RARB: variants seen among roughly 807,000 people sequenced by gnomAD.
RARB encodes retinoic acid receptor beta, also known as HBV-activated protein.
Under a neutral mutation model 51.9 loss-of-function variants are expected in RARB, and 17 were observed. The ratio of observed to expected loss-of-function variants is 0.33; its 90% confidence interval spans 0.22 to 0.49. RARB has a LOEUF of 0.49. Ranked by LOEUF, RARB falls within the 20% of genes least tolerant of loss-of-function variation. The pLI, the probability that RARB is intolerant of heterozygous loss-of-function variation, is 0.99. For missense variants in RARB, 369 were observed against 550.8 expected (o/e 0.67, Z 3.30); for synonymous variants, 215 against 195.4 (o/e 1.10, Z -0.84).
intron 2 of RARB, among the ~76,000 whole-genome samples, chr3:25,056,641 C>T (rs112400522): frequency 1.3e-5 from 2 of 152,112 alleles, no homozygotes; most frequent in African/African-American, 4.8e-5. Context: ...AGTATATACC[C>T]AATAGATACC....
intron 5 of RARB, among the ~76,000 whole-genome samples, chr3:25,267,542 C>G (rs1258615183): frequency 6.6e-6 from 1 of 152,150 alleles, no homozygotes; most frequent in Non-Finnish European, 1.5e-5. Flanking sequence ...ACCTCTTGTT[C>G]AGTGTCCTCT....
At chr3:25,588,921 A>T (rs947665801) in intron 5 of RARB, among the ~76,000 whole-genome samples, 1 of 152,156 alleles carries the variant, frequency 6.6e-6, no homozygotes, top group Non-Finnish European at 1.5e-5. Flanking sequence ...GTCACACACC[A>T]TCACTTTCAC....
intron 4 of RARB, among the ~76,000 whole-genome samples, chr3:25,170,142 G>C (rs1700620626): frequency 6.6e-6 from 1 of 152,096 alleles, no homozygotes; most frequent in Non-Finnish European, 1.5e-5. Context: ...AAATTCATCA[G>C]GCTGTCTGTC....
intron 3 of RARB, among the ~76,000 whole-genome samples, chr3:25,092,284 A>C (rs961390225): frequency 6.6e-6 from 1 of 152,198 alleles, no homozygotes; most frequent in East Asian, 1.9e-4. Context: ...TTGAGAACAG[A>C]ATGGCAAAGC....
chr3:25,493,299 T>C (rs1696839909), intron 2 of RARB, among the ~76,000 whole-genome samples: 1 of 152,176 alleles, frequency 6.6e-6, no homozygotes, highest in South Asian at 2.1e-4. Context: ...ATGAATAACT[T>C]CTCAGACGTT....
upstream of RARB, among the ~76,000 whole-genome samples, chr3:25,426,785 C>A (rs926592728): frequency 6.6e-6 from 1 of 152,282 alleles, no homozygotes; most frequent in South Asian, 2.1e-4. Context: ...ACAAGTTGTG[C>A]AAAATGGCTG....
intron 2 of RARB, among the ~76,000 whole-genome samples, chr3:25,011,468 C>A (rs185037074): frequency 1.3e-5 from 2 of 152,146 alleles, no homozygotes; most frequent in East Asian, 1.9e-4. Flanking sequence ...ATTTTTCCAT[C>A]GAATTATAGC....
At chr3:25,397,503 T>C (rs1397763316) in intron 5 of RARB, among the ~76,000 whole-genome samples, 2 of 152,224 alleles carry the variant, frequency 1.3e-5, no homozygotes, top group Non-Finnish European at 2.9e-5. Flanking sequence ...AGTGTGAGTC[T>C]CCACACACTG....
intron 5 of RARB, among the ~76,000 whole-genome samples, chr3:25,342,227 T>A (rs1438466176): frequency 6.6e-6 from 1 of 152,266 alleles, no homozygotes; most frequent in African/African-American, 2.4e-5. Context: ...AAGAAAGTGA[T>A]GAGTTTAGTC....
intron 2 of RARB, among the ~76,000 whole-genome samples, chr3:25,023,204 C>T (rs1479777462): frequency 6.6e-6 from 1 of 152,098 alleles, no homozygotes; most frequent in African/African-American, 2.4e-5. Context: ...TTACCATAAC[C>T]TTGGGACCTT....
In RARB at chr3:25,079,052, T is replaced by A. The variant is rs547672440; in HGVS notation, c.-328+18876T>A. ...TATATCTCTGCATTTATGTAGGTTT[T>A]TTTTTTAACTTCTCTCACAATATTT... On this transcript the variant is annotated intron_variant, in intron 3 of 11. Transcript: ENST00000383772. Among the ~76,000 whole-genome samples the A allele has an allele frequency of 1.7e-4, 26 of 152,174 alleles. No individual in the cohort carries two copies. The South Asian group carries it at 5.4e-3, about 32-fold the overall frequency.
intron 5 of RARB, among the ~76,000 whole-genome samples, chr3:25,194,820 C>A (rs1476576827): frequency 1.3e-5 from 2 of 151,586 alleles, no homozygotes; most frequent in Non-Finnish European, 1.5e-5. Flanking sequence ...TTCTGTGAAC[C>A]CCAGTATCAA....
intron 2 of RARB, among the ~76,000 whole-genome samples, chr3:25,050,930 A>G (rs1016325733): frequency 6.6e-6 from 1 of 152,126 alleles, no homozygotes; most frequent in Non-Finnish European, 1.5e-5. Context: ...TAATGTTTTA[A>G]TTCTTTCTGG....
In RARB at chr3:25,174,864, C is replaced by T. The variant is rs543222189; in HGVS notation, c.178+289C>T. Among the ~76,000 whole-genome samples, 251 of 152,266 alleles carry T rather than the reference C, an allele frequency of 1.6e-3. 2 individuals carry two copies. The highest frequency in any genetic ancestry group is 5.2e-3 in the Admixed American group (80 of 15,308). ...TGTGGTTAATATCTGTGATCAATAT[C>T]TAAAGAAATTGGCCATATGATAAAT... On this transcript the variant is annotated intron_variant, in intron 5 of 11. Coordinates refer to the RARB transcript ENST00000383772.
chr3:25,529,657 G>T (rs1356917131), intron 3 of RARB, among the ~76,000 whole-genome samples: 1 of 152,076 alleles, frequency 6.6e-6, no homozygotes, highest in African/African-American at 2.4e-5. Flanking sequence ...GAACTTCGGG[G>T]GTGTTGGAAC....
intron 5 of RARB, among the ~76,000 whole-genome samples, chr3:25,220,845 T>C (rs1237197873): frequency 6.6e-6 from 1 of 152,208 alleles, no homozygotes; most frequent in African/African-American, 2.4e-5. Context: ...TTATGTGATA[T>C]TGGGCAAGTC....
intron 2 of RARB, among the ~76,000 whole-genome samples, chr3:24,910,551 T>C (rs1230705558): frequency 6.6e-6 from 1 of 152,198 alleles, no homozygotes; most frequent in Non-Finnish European, 1.5e-5. Flanking sequence ...CTCTAACAGA[T>C]ACTCCCCAAT....
Position 24,905,649 on chromosome 3 carries a change from C to T in RARB, c.-380+46897C>T, listed in dbSNP as rs1467660315. ...TTTATTGCCTTTCTTTCCTTCTTCCCACCTGCTTAAAGAAGCCTGGAGGTG... is the reference window on the plus strand; with the variant it reads ...TTTATTGCCTTTCTTTCCTTCTTCCTACCTGCTTAAAGAAGCCTGGAGGTG... On this transcript the variant is annotated intron_variant, in intron 2 of 11. Coordinates refer to the RARB transcript ENST00000383772. Among the ~76,000 whole-genome samples, 3 of 152,160 alleles carry T rather than the reference C, an allele frequency of 2.0e-5. No homozygotes were observed. The East Asian group carries it at 5.8e-4, about 29-fold the overall frequency.
At chr3:25,117,577 G>C (rs1386898240) in intron 3 of RARB, among the ~76,000 whole-genome samples, 1 of 152,100 alleles carries the variant, frequency 6.6e-6, no homozygotes. Context: ...GATGGATAGG[G>C]GATGGATTAG....
Sources: allele counts gnomAD v4.1 joint callset (sites outside exome capture counted in the v4.1 genomes callset), GRCh38; gene constraint gnomAD v4.1.1; transcripts MANE v1.5; gene names NCBI Gene and HGNC (gene_info 2026-07-23, HGNC 2026-07-21).